Variants in FHOD3 observed in about 807,000 individuals in gnomAD.
The protein encoded by FHOD3 is FH1/FH2 domain-containing protein 3.
FHOD3 carries 90 observed loss-of-function variants against 173.0 expected under a neutral mutation model. The observed-to-expected ratio is 0.52, with a 90% confidence interval of 0.44 to 0.62. The LOEUF (loss-of-function observed/expected upper bound fraction) is 0.62, where lower values mean the gene tolerates loss of function less well. Ranked by LOEUF, FHOD3 falls within the 20% of genes least tolerant of loss-of-function variation. The pLI, the probability that FHOD3 is intolerant of heterozygous loss-of-function variation, is 0.00. For synonymous variants in FHOD3, 828 were observed against 823.0 expected (o/e 1.01, Z -0.10); for missense variants, 1,945 against 2,034.7 (o/e 0.96, Z 0.85).
chr18:36,666,730 A>C (rs369272709), intron 14 of FHOD3, among the ~76,000 whole-genome samples: 113 of 152,346 alleles, frequency 7.4e-4, no homozygotes, highest in African/African-American at 2.4e-3. Context: ...TTCGCAAATA[A>C]GATTTTACTT....
intron 17 of FHOD3, among the ~76,000 whole-genome samples, chr18:36,707,097 A>G (rs1276685013): frequency 6.6e-6 from 1 of 152,232 alleles, no homozygotes; most frequent in Non-Finnish European, 1.5e-5. Flanking sequence ...TTTTACTTTT[A>G]AGGAAGAGTG....
At chr18:36,610,949 A>G (rs953898348) in intron 8 of FHOD3, among the ~76,000 whole-genome samples, 2 of 152,118 alleles carry the variant, frequency 1.3e-5, no homozygotes, top group African/African-American at 2.4e-5. Context: ...TCCCTCCTGT[A>G]TAAGATAAAG....
chr18:36,545,647 A>G (rs1317511793), intron 5 of FHOD3, among the ~76,000 whole-genome samples: 1 of 152,206 alleles, frequency 6.6e-6, no homozygotes, highest in Admixed American at 6.5e-5. Flanking sequence ...CATTTTCCTC[A>G]GCATGGATTA....
chr18:36,379,340 C>T (rs2047619554), intron 3 of FHOD3, among the ~76,000 whole-genome samples: 1 of 152,120 alleles, frequency 6.6e-6, no homozygotes, highest in African/African-American at 2.4e-5. Flanking sequence ...TCTCTTACGA[C>T]AGCTTCATTT....
At chr18:36,447,990 T>C (rs1289802792) in intron 3 of FHOD3, among the ~76,000 whole-genome samples, 1 of 152,120 alleles carries the variant, frequency 6.6e-6, no homozygotes, top group Non-Finnish European at 1.5e-5. Flanking sequence ...TTTGTGCCTT[T>C]GGACTTTTGA....
intron 10 of FHOD3, among the ~76,000 whole-genome samples, chr18:36,648,577 G>T (rs1180374836): frequency 1.3e-5 from 2 of 152,106 alleles, no homozygotes; most frequent in Admixed American, 1.3e-4. Flanking sequence ...AAATGGTCGG[G>T]GGGACTGCTT....
chr18:36,517,828 A>G (rs1329316053), intron 5 of FHOD3, among the ~76,000 whole-genome samples: 1 of 152,194 alleles, frequency 6.6e-6, no homozygotes, highest in Admixed American at 6.5e-5. Flanking sequence ...AAAAATGCAG[A>G]TTTCAGGCTT....
At chr18:36,685,558 A>G (rs1316789094) in intron 15 of FHOD3, among the ~76,000 whole-genome samples, 1 of 152,092 alleles carries the variant, frequency 6.6e-6, no homozygotes, top group Non-Finnish European at 1.5e-5. Flanking sequence ...AAGCTTTCTG[A>G]GTTATAGGAA....
At position 36,421,358 on chromosome 18, in the gene FHOD3, A is replaced by G. The variant is rs189594012; in HGVS notation, c.337+48614A>G. 4.6e-5 allele frequency among the ~76,000 whole-genome samples: 7 copies of G among 152,300 alleles called. No homozygotes were observed. The East Asian group carries it at 9.6e-4, about 21-fold the overall frequency. ...AAGCAGTCACCAATGAGGCATCTGG[A>G]TAGCTTCTTTTGTAAGACTGTCCTT... is the stretch of plus-strand genomic sequence containing the variant. On this transcript the variant is annotated intron_variant, in intron 3 of 28. Coordinates refer to ENST00000590592, the MANE Select transcript of FHOD3 (RefSeq NM_001281740.3).
At chr18:36,684,366 A>G (rs745981276) in intron 15 of FHOD3, among the ~76,000 whole-genome samples, 1 of 152,244 alleles carries the variant, frequency 6.6e-6, no homozygotes, top group African/African-American at 2.4e-5. Context: ...AAGGGAAAAG[A>G]GAATTAAAAG....
At chr18:36,566,477 C>G (rs1372759156) in intron 5 of FHOD3, among the ~76,000 whole-genome samples, 2 of 152,076 alleles carry the variant, frequency 1.3e-5, no homozygotes, top group African/African-American at 4.8e-5. Context: ...GACAAAGGAG[C>G]CCAGATGGTC....
At position 36,409,235 on chromosome 18, in the gene FHOD3, G is replaced by GT. The variant is rs2049225969; in HGVS notation, c.337+36492dup. ...GCACATCTCCTTCAGCACCTGCCTT[G>GT]TAAGAATTAAGCTGCTGGTCTGAAG... On this transcript the variant is annotated intron_variant, in intron 3 of 28. Coordinates refer to ENST00000590592, the MANE Select transcript of FHOD3 (RefSeq NM_001281740.3). Among the ~76,000 whole-genome samples, 5 of 152,274 alleles carry GT rather than the reference G, an allele frequency of 3.3e-5. No individual in the cohort carries two copies. The South Asian group carries it at 1.0e-3, about 32-fold the overall frequency.
At chr18:36,652,336 C>G (rs2036115060) in intron 11 of FHOD3, among the ~76,000 whole-genome samples, 2 of 152,238 alleles carry the variant, frequency 1.3e-5, no homozygotes, top group Admixed American at 1.3e-4. Flanking sequence ...CCTCCTTGCC[C>G]TCTATAAGTC....
chr18:36,424,766 C>G (rs985795576), intron 3 of FHOD3, among the ~76,000 whole-genome samples: 1 of 152,202 alleles, frequency 6.6e-6, no homozygotes. Flanking sequence ...ATAAACAATT[C>G]ATAAGTTTTC....
At chr18:36,366,185 A>G (rs751773935) in intron 2 of FHOD3, among the ~76,000 whole-genome samples, 2 of 152,198 alleles carry the variant, frequency 1.3e-5, no homozygotes, top group African/African-American at 4.8e-5. Flanking sequence ...AAAAAGCATC[A>G]AATAGTAACA....
intron 3 of FHOD3, among the ~76,000 whole-genome samples, chr18:36,381,923 G>A (rs146603060): frequency 1.3e-5 from 2 of 152,304 alleles, no homozygotes; most frequent in East Asian, 3.9e-4. Context: ...AACTGTGGCA[G>A]TGAGTAGACT....
At position 36,759,112 on chromosome 18, in the gene FHOD3, G is replaced by A. The variant is rs776293636; in HGVS notation, c.4426-6G>A. 3.5e-5 allele frequency: 54 copies of A among 1,535,270 alleles called. No homozygotes were observed. In the South Asian group the frequency reaches 3.7e-4, roughly 10 times the overall value. ...CCGTCCTGTCCTGTCCTGTCCTCTC[G>A]GGTAGACTGATGAGGAGGAGGAAGT... On this transcript the variant is annotated splice_polypyrimidine_tract_variant and splice_region_variant and intron_variant, in intron 25 of 28. Transcript: ENST00000590592.
At chr18:36,467,619 A>G (rs1287015264) in intron 3 of FHOD3, among the ~76,000 whole-genome samples, 1 of 152,116 alleles carries the variant, frequency 6.6e-6, no homozygotes, top group East Asian at 1.9e-4. Context: ...GAGCTGGGTG[A>G]AAGGTCACAT....
chr18:36,621,611 A>G (rs1223772615), intron 9 of FHOD3, among the ~76,000 whole-genome samples: 1 of 152,244 alleles, frequency 6.6e-6, no homozygotes. Context: ...GGCAAGTCCC[A>G]GTGTGTAAAC....
Sources: allele counts gnomAD v4.1 joint callset (sites outside exome capture counted in the v4.1 genomes callset), GRCh38; gene constraint gnomAD v4.1.1; transcripts MANE v1.5; gene names NCBI Gene and HGNC (gene_info 2026-07-23, HGNC 2026-07-21).